The following ARFIP1 variants were observed in gnomAD, a reference collection of about 807,000 sequenced individuals.
ARFIP1 encodes the protein arfaptin-1.
A neutral mutation model predicts 42.5 loss-of-function variants in ARFIP1; 24 were observed. The observed-to-expected ratio is 0.57, with a 90% CI of 0.41 to 0.80. The LOEUF is 0.80. ARFIP1 is among the 30% of genes least tolerant of loss of function. The probability of loss-of-function intolerance (pLI) is 0.00; values close to 1 mark genes in which losing one functional copy is unlikely to be tolerated. For missense variants in ARFIP1, 354 were observed against 434.0 expected, an observed-to-expected ratio of 0.82 and a Z score of 1.64; for synonymous variants, 141 against 153.7, an observed-to-expected ratio of 0.92 and a Z score of 0.61.
intron 2 of ARFIP1, among the ~76,000 whole-genome samples, chr4:152,842,476 G>A (rs1175210269): frequency 6.6e-6 from 1 of 152,214 alleles, no homozygotes; most frequent in South Asian, 2.1e-4. Flanking sequence ...GGCAGGGGAG[G>A]TTTTCCTTGA....
At position 152,910,534 on chromosome 4, in the gene ARFIP1, A is replaced by G. The variant is rs957797321; in HGVS notation, c.*315A>G. On this transcript the variant is annotated 3_prime_UTR_variant, in exon 9 of 9. Transcript: ENST00000353617. ...ATTTGCACTGACAAGATAAAAATTC[A>G]AGGTTTTTGGTCCTGGAAATGAGGG... 5 of 186,414 alleles carry G rather than the reference A, an allele frequency of 2.7e-5. No homozygotes were observed. The highest frequency in any genetic ancestry group is 7.0e-5 in the African/African-American group (3 of 42,876). The allele number at this position is 186,414 out of a possible 1,614,324, so 11.5% of individuals were successfully genotyped here.
rs1282129169 is a variant in ARFIP1 at position 152,873,412 on chromosome 4, T to C, written c.411+848T>C. 2.0e-5 allele frequency among the ~76,000 whole-genome samples: 3 copies of C among 152,344 alleles called. No individual in the cohort carries two copies. In the East Asian group the frequency reaches 5.8e-4, roughly 29 times the overall value. On this transcript the variant is annotated intron_variant, in intron 5 of 8. Coordinates refer to ENST00000353617, the MANE Select transcript of ARFIP1 (RefSeq NM_001025595.3). ...ACCTTAAAAATATGATGTAGAAGTC[T>C]TCTACAAAAGTATAGGTTTTCTTAA... is the stretch of plus-strand genomic sequence containing the variant.
rs1374537678 is a variant in ARFIP1 at position 152,880,953 on chromosome 4, C to T, written c.412-10C>T. On this transcript the variant is annotated splice_polypyrimidine_tract_variant and intron_variant, in intron 5 of 8. Transcript: ENST00000353617. ...TTTCTTTCTAAACAAAATGCATCTT[C>T]CACTTTTAGTGTACTCGACAGATTA... is the stretch of plus-strand genomic sequence containing the variant. The T allele has an allele frequency of 6.3e-7, 1 of 1,597,116 alleles. No individual in the cohort carries two copies. Among genetic ancestry groups the T allele is most frequent in the Non-Finnish European group, 8.6e-7 (1 of 1,169,428 alleles).
At chr4:152,887,869 T>G (rs1736391005) in intron 7 of ARFIP1, among the ~76,000 whole-genome samples, 2 of 152,074 alleles carry the variant, frequency 1.3e-5, no homozygotes, top group South Asian at 4.1e-4. Context: ...TTAACTGGTT[T>G]TTAGATTTTG....
intron 2 of ARFIP1, among the ~76,000 whole-genome samples, chr4:152,853,234 CTT>C (rs1224148632): frequency 6.6e-6 from 1 of 152,098 alleles, no homozygotes; most frequent in African/African-American, 2.4e-5. Context: ...AGTCTTTTCT[CTT>C]TGTCATTTAT....
At chr4:152,845,154 CAT>C (rs1424058560) in intron 2 of ARFIP1, among the ~76,000 whole-genome samples, 2 of 152,112 alleles carry the variant, frequency 1.3e-5, no homozygotes, top group East Asian at 1.9e-4. Context: ...AATGGATAAT[CAT>C]GTGCAGAAGA....
chr4:152,822,296 T>TAAAAAAAAAAAAAAAAAAAAAAACAAAAA (rs70949618), intron 1 of ARFIP1, among the ~76,000 whole-genome samples: 1 of 65,578 alleles, frequency 1.5e-5, no homozygotes, highest in Non-Finnish European at 3.3e-5. Flanking sequence ...GCAACAGCAG[T>TAAAAAAAAAAAAAAAAAAAAAAACAAAAA]AAAAAAAAAA....
At chr4:152,793,312 C>CA (rs5863020) in intron 1 of ARFIP1, among the ~76,000 whole-genome samples, 7,725 of 135,038 alleles carry the variant, frequency 0.057, 293 homozygotes, top group South Asian at 0.12. Flanking sequence ...AACTCCGTCT[C>CA]AAAAAAAAAA....
intron 8 of ARFIP1, among the ~76,000 whole-genome samples, chr4:152,903,830 T>C (rs74376254): frequency 0.016 from 2,414 of 152,202 alleles, 61 homozygotes; most frequent in African/African-American, 0.055. Flanking sequence ...TCTCTGTGTT[T>C]AGTCAGCTAC....
chr4:152,870,986 T>C, intron 4 of ARFIP1, 138 bp downstream of exon 4: 3 of 560,028 alleles, frequency 5.4e-6, no homozygotes, highest in Non-Finnish European at 9.0e-6. Flanking sequence ...TTATTAACAA[T>C]AAAGGAAATA....
chr4:152,796,049 A>G (rs893051819), intron 1 of ARFIP1: 19 of 704,304 alleles, frequency 2.7e-5, no homozygotes, highest in East Asian at 1.7e-4. Context: ...CAATAATTAT[A>G]TATAAAATTG....
intron 1 of ARFIP1, among the ~76,000 whole-genome samples, chr4:152,801,216 G>A (rs1160903163): frequency 6.6e-6 from 1 of 152,142 alleles, no homozygotes; most frequent in Non-Finnish European, 1.5e-5. Flanking sequence ...GTGATCAAGA[G>A]TGCTAATTGA....
chr4:152,785,100 T>C (rs1451507432), intron 1 of ARFIP1, among the ~76,000 whole-genome samples: 2 of 152,234 alleles, frequency 1.3e-5, no homozygotes, highest in Non-Finnish European at 2.9e-5. Context: ...CAGGCCCTCC[T>C]TGGTTCCTTG....
intron 1 of ARFIP1, among the ~76,000 whole-genome samples, chr4:152,804,297 A>ATTATATATATAACATAACATG (rs1728766191): frequency 1.4e-5 from 1 of 69,110 alleles, no homozygotes; most frequent in African/African-American, 6.9e-5. Flanking sequence ...TGTATTATAT[A>ATTATATATATAACATAACATG]TATTATATAT....
rs561790338 is a variant in ARFIP1 at position 152,880,482 on chromosome 4, G to A, written c.412-481G>A. On this transcript the variant is annotated intron_variant, in intron 5 of 8. Coordinates refer to ENST00000353617, the MANE Select transcript of ARFIP1 (RefSeq NM_001025595.3). ...TTTCTCTCTCTTCCTCTTCCCCCCC[G>A]CTTTCATTCCTTCCTTCCTGTTTCT... Among the ~76,000 whole-genome samples, 75 of 151,814 alleles carry A rather than the reference G, an allele frequency of 4.9e-4. 2 individuals carry two copies. In the South Asian group the frequency reaches 0.014, roughly 29 times the overall value.
intron 3 of ARFIP1, among the ~76,000 whole-genome samples, chr4:152,866,866 G>T (rs1251608877): frequency 6.6e-6 from 1 of 151,700 alleles, no homozygotes; most frequent in East Asian, 2.0e-4. Flanking sequence ...ACGGGGCGGC[G>T]GGGCAGAGGC....
At chr4:152,870,720 G>C (rs1734806208) in intron 3 of ARFIP1, 33 bp from the exon 4 acceptor site, 1 of 1,505,466 alleles carries the variant, frequency 6.6e-7, no homozygotes, top group Non-Finnish European at 9.3e-7. Context: ...AGGAGGAAAA[G>C]GATTTTCACA....
At chr4:152,910,042 T>C (rs1738710365) in intron 8 of ARFIP1, 22 bp from the exon 9 acceptor site, 1 of 1,610,652 alleles carries the variant, frequency 6.2e-7, no homozygotes, top group Non-Finnish European at 8.5e-7. Context: ...TGCTTGGTCT[T>C]GTAACTCTGC....
At chr4:152,794,530 T>C (rs980753405) in intron 1 of ARFIP1, among the ~76,000 whole-genome samples, 1 of 152,176 alleles carries the variant, frequency 6.6e-6, no homozygotes, top group African/African-American at 2.4e-5. Context: ...GTTGAGTGTG[T>C]TGTTTTTACA....
Sources: allele counts gnomAD v4.1 joint callset (sites outside exome capture counted in the v4.1 genomes callset), GRCh38; gene constraint gnomAD v4.1.1; transcripts MANE v1.5; gene names NCBI Gene and HGNC (gene_info 2026-07-23, HGNC 2026-07-21).